Variants in SLC16A7 observed in about 807,000 individuals in gnomAD.
SLC16A7 encodes monocarboxylate transporter 2.
In SLC16A7, 33 loss-of-function variants were observed where a neutral mutation model predicts 34.9. That is an observed-to-expected ratio of 0.94 (90% CI 0.72 to 1.26). SLC16A7 has a LOEUF of 1.26. Among genes scored for constraint, SLC16A7 ranks in the 50% most tolerant of loss-of-function variants. The pLI, the probability that SLC16A7 is intolerant of heterozygous loss-of-function variation, is 0.00. For missense variants in SLC16A7, 573 were observed against 578.1 expected (o/e 0.99, Z 0.09); for synonymous variants, 201 against 206.6 (o/e 0.97, Z 0.23).
chr12:59,635,830 A>G (rs1880395205), intron 1 of SLC16A7, among the ~76,000 whole-genome samples: 1 of 151,958 alleles, frequency 6.6e-6, no homozygotes, highest in African/African-American at 2.4e-5. Context: ...AAACTCTTAA[A>G]CACTCAAAAA....
At chr12:59,642,496 A>T (rs1337864748) in intron 1 of SLC16A7, among the ~76,000 whole-genome samples, 2 of 151,986 alleles carry the variant, frequency 1.3e-5, no homozygotes, top group East Asian at 3.9e-4. Flanking sequence ...AATCTTTGTA[A>T]CTCTAAAGCT....
chr12:59,749,982 C>T (rs551244073), intron 3 of SLC16A7, among the ~76,000 whole-genome samples: 91 of 152,216 alleles, frequency 6.0e-4, no homozygotes, highest in African/African-American at 2.1e-3. Flanking sequence ...CCCTATTTAA[C>T]AAATGGTGTG....
chr12:59,738,437 A>G (rs896053749), intron 3 of SLC16A7, among the ~76,000 whole-genome samples: 2 of 152,302 alleles, frequency 1.3e-5, no homozygotes, highest in South Asian at 2.1e-4. Context: ...TCATGGACCA[A>G]TAACAAGATG....
chr12:59,665,425 T>C (rs1309892177), intron 2 of SLC16A7, among the ~76,000 whole-genome samples: 1 of 152,042 alleles, frequency 6.6e-6, no homozygotes, highest in Non-Finnish European at 1.5e-5. Flanking sequence ...TGTAACTATG[T>C]ATGTGTACTT....
At chr12:59,762,398 T>C (rs1408490378) in intron 3 of SLC16A7, among the ~76,000 whole-genome samples, 1 of 152,102 alleles carries the variant, frequency 6.6e-6, no homozygotes, top group Non-Finnish European at 1.5e-5. Context: ...TATATAGTTA[T>C]GACACATTGT....
chr12:59,643,544 T>C (rs1380837159), intron 1 of SLC16A7, among the ~76,000 whole-genome samples: 1 of 152,200 alleles, frequency 6.6e-6, no homozygotes, highest in Non-Finnish European at 1.5e-5. Flanking sequence ...TAAACAACTG[T>C]ATAATGACAA....
intron 3 of SLC16A7, among the ~76,000 whole-genome samples, chr12:59,760,516 A>C (rs1880896177): frequency 6.6e-6 from 1 of 152,142 alleles, no homozygotes; most frequent in Non-Finnish European, 1.5e-5. Flanking sequence ...TAGGCACAAG[A>C]AGAGATTAAC....
At chr12:59,674,244 C>T (rs919868019) in intron 2 of SLC16A7, among the ~76,000 whole-genome samples, 4 of 152,118 alleles carry the variant, frequency 2.6e-5, no homozygotes, top group Non-Finnish European at 4.4e-5. Context: ...TAGAGTGTTA[C>T]GTTCTTTTTT....
In SLC16A7 at chr12:59,789,758, C is replaced by T. The variant is rs1185740836; in HGVS notation, c.*10079C>T. ...GGTCTGTGCTGTTTCTTAGAAAGTA[C>T]ATGCATATATATTTCTATAATATGT... On this transcript the variant is annotated 3_prime_UTR_variant, in exon 6 of 6. Coordinates refer to ENST00000547379, the MANE Select transcript of SLC16A7 (RefSeq NM_001270623.2). 6.6e-6 allele frequency: 1 copy of T among 151,998 alleles called. No individual in the cohort carries two copies. The highest frequency in any genetic ancestry group is 1.5e-5 in the Non-Finnish European group (1 of 67,988). The allele number at this position is 151,998 out of a possible 1,614,324, so 9.4% of individuals were successfully genotyped here.
chr12:59,787,247 A>G lies in SLC16A7; in HGVS notation c.*7568A>G, dbSNP rs936277500. ...TAAATTATTAAATTGTATGCAAGAA[A>G]TTATTGCCATAGCATAGTCTTGAGG... On this transcript the variant is annotated 3_prime_UTR_variant, in exon 6 of 6. Coordinates refer to ENST00000547379, the MANE Select transcript of SLC16A7 (RefSeq NM_001270623.2). 1 of 152,208 alleles carries G rather than the reference A, an allele frequency of 6.6e-6. No homozygotes were observed. The highest frequency in any genetic ancestry group is 2.4e-5 in the African/African-American group (1 of 41,464). 9.4% of individuals were successfully genotyped at this position (152,208 alleles called of 1,614,324 possible).
Position 59,788,984 on chromosome 12 carries a change from T to G in SLC16A7, c.*9305T>G, listed in dbSNP as rs74095500. The G allele has an allele frequency of 6.6e-6, 1 of 152,048 alleles. No individual in the cohort carries two copies. Among genetic ancestry groups the G allele is most frequent in the Non-Finnish European group, 1.5e-5 (1 of 67,946 alleles). The allele number at this position is 152,048 out of a possible 1,614,324, so 9.4% of individuals were successfully genotyped here. ...TGAACATAATGTTTTAAAAAAATCT[T>G]GGTTGTAGTTTCTAATTTTCACTGC... is the stretch of plus-strand genomic sequence containing the variant. On this transcript the variant is annotated 3_prime_UTR_variant, in exon 6 of 6. Transcript: ENST00000547379.
chr12:59,601,823 G>T (rs1320421727), intron 1 of SLC16A7, among the ~76,000 whole-genome samples: 6 of 152,070 alleles, frequency 3.9e-5, no homozygotes, highest in Non-Finnish European at 7.4e-5. Flanking sequence ...CTTTTATAAG[G>T]GTGCTAATCC....
At chr12:59,607,413 A>G (rs1439690713) in intron 1 of SLC16A7, among the ~76,000 whole-genome samples, 1 of 152,126 alleles carries the variant, frequency 6.6e-6, no homozygotes, top group African/African-American at 2.4e-5. Context: ...TGCTATAACC[A>G]TTTGTCTATG....
intron 1 of SLC16A7, among the ~76,000 whole-genome samples, chr12:59,636,256 A>G (rs1880421234): frequency 6.6e-6 from 1 of 152,094 alleles, no homozygotes; most frequent in African/African-American, 2.4e-5. Flanking sequence ...TTTTCCCAGC[A>G]TTAATGTCAA....
intron 2 of SLC16A7, among the ~76,000 whole-genome samples, chr12:59,672,002 TCC>T (rs1325625498): frequency 0.48 from 1,374 of 2,842 alleles, 676 homozygotes; most frequent in East Asian, 0.77. Flanking sequence ...TGTGTATATA[TCC>T]ATATATCCGT....
intron 2 of SLC16A7, among the ~76,000 whole-genome samples, chr12:59,704,232 AAAAG>A (rs1873271136): frequency 6.7e-6 from 1 of 150,326 alleles, no homozygotes; most frequent in African/African-American, 2.5e-5. Flanking sequence ...AAAGAAAAAA[AAAAG>A]AAAAAGAAAA....
intron 1 of SLC16A7, among the ~76,000 whole-genome samples, chr12:59,646,374 G>A (rs2137012171): frequency 6.6e-6 from 1 of 152,322 alleles, no homozygotes; most frequent in East Asian, 1.9e-4. Context: ...TACAGCTCAA[G>A]CCATTGCTTC....
At chr12:59,739,792 C>T (rs1256383230) in intron 3 of SLC16A7, among the ~76,000 whole-genome samples, 16 of 152,124 alleles carry the variant, frequency 1.1e-4, no homozygotes, top group Non-Finnish European at 1.6e-4. Context: ...CTCTGATGAC[C>T]AGTGATGGTG....
At chr12:59,771,788 G>A (rs975518897) in intron 4 of SLC16A7, among the ~76,000 whole-genome samples, 9 of 152,110 alleles carry the variant, frequency 5.9e-5, no homozygotes, top group African/African-American at 2.2e-4. Context: ...CGATGCCAGA[G>A]AGATATTTTC....
Sources: allele counts gnomAD v4.1 joint callset (sites outside exome capture counted in the v4.1 genomes callset), GRCh38; gene constraint gnomAD v4.1.1; transcripts MANE v1.5; gene names NCBI Gene and HGNC (gene_info 2026-07-23, HGNC 2026-07-21).